The following IMPG2 variants were observed in gnomAD, a reference collection of about 807,000 sequenced individuals.
IMPG2 encodes interphotoreceptor matrix proteoglycan 2.
A neutral mutation model predicts 129.2 loss-of-function variants in IMPG2; 91 were observed. The observed-to-expected ratio is 0.70, with a 90% CI of 0.59 to 0.84. IMPG2 has a LOEUF of 0.84. Among genes scored for constraint, IMPG2 ranks in the 40% least tolerant of loss-of-function variants. The pLI, the probability that IMPG2 is intolerant of heterozygous loss-of-function variation, is 0.00. For missense variants in IMPG2, 1,430 were observed against 1,461.7 expected (o/e 0.98, Z 0.35); for synonymous variants, 510 against 517.7 (o/e 0.99, Z 0.20).
chr3:101,310,991 G>A (rs1284574070), intron 2 of IMPG2, among the ~76,000 whole-genome samples: 3 of 152,082 alleles, frequency 2.0e-5, no homozygotes, highest in Admixed American at 1.3e-4. Context: ...TTTATACCTT[G>A]TAGTCTATTC....
Position 101,244,267 on chromosome 3 carries a change from G to A in IMPG2, c.2064C>T (p.Pro688=), listed in dbSNP as rs1461856077. 6.2e-7 allele frequency: 1 copy of A among 1,614,026 alleles called. No homozygotes were observed. Among genetic ancestry groups the A allele is most frequent in the Non-Finnish European group, 8.5e-7 (1 of 1,179,994 alleles). The change falls in exon 13 of 19, where the codon CCC becomes CCT. Residue 688 remains proline (P), a synonymous_variant. Coordinates refer to ENST00000193391, the MANE Select transcript of IMPG2 (RefSeq NM_016247.4). ...EEEPLSGPAV[P]IFADTAAESA... The stretch of plus-strand genomic sequence containing the variant: ...ATTCAGCTGCAGTATCTGCGAAGAT[G>A]GGCACAGCAGGCCCACTAAGAGGCT...
chr3:101,255,215 G>A (rs532580343), intron 10 of IMPG2, among the ~76,000 whole-genome samples: 19 of 152,182 alleles, frequency 1.2e-4, no homozygotes, highest in Middle Eastern at 3.4e-3. Flanking sequence ...GAAAGCTGCC[G>A]CCATTCAGAA....
intron 11 of IMPG2, among the ~76,000 whole-genome samples, chr3:101,246,428 T>C (rs1371056060): frequency 6.6e-6 from 1 of 152,218 alleles, no homozygotes; most frequent in African/African-American, 2.4e-5. Flanking sequence ...TCTGTGTTTT[T>C]AGCTTAAATG....
intron 8 of IMPG2, among the ~76,000 whole-genome samples, chr3:101,268,860 C>T (rs1442086877): frequency 2.0e-5 from 3 of 152,156 alleles, no homozygotes; most frequent in Non-Finnish European, 2.9e-5. Flanking sequence ...TTTACAAACT[C>T]TTGACTTTGG....
chr3:101,267,602 G>A (rs1282375603), intron 8 of IMPG2, 71 bp from the exon 9 acceptor site: 12 of 1,254,484 alleles, frequency 9.6e-6, no homozygotes, highest in African/African-American at 1.5e-5. Flanking sequence ...TCATCAAAGT[G>A]CAAGTTATTC....
intron 14 of IMPG2, among the ~76,000 whole-genome samples, chr3:101,237,881 T>G (rs1706363943): frequency 6.6e-6 from 1 of 151,932 alleles, no homozygotes; most frequent in African/African-American, 2.4e-5. Flanking sequence ...TTTGATGAAG[T>G]GACAGAAGTA....
chr3:101,291,525 G>A lies in IMPG2; in HGVS notation c.502-15C>T, dbSNP rs1406940239. On this transcript the variant is annotated splice_polypyrimidine_tract_variant and intron_variant, in intron 3 of 18. Transcript: ENST00000193391. ...TAAGTCAGTTTCTAAGGAAAACAAA[G>A]ATATAAAAATGACTGAGTTAACAAC... 1.9e-6 allele frequency: 3 copies of A among 1,606,940 alleles called. No individual in the cohort carries two copies. The highest frequency in any genetic ancestry group is 2.6e-6 in the Non-Finnish European group (3 of 1,173,858).
intron 4 of IMPG2, among the ~76,000 whole-genome samples, chr3:101,282,739 G>A (rs1466739658): frequency 6.6e-6 from 1 of 151,992 alleles, no homozygotes; most frequent in East Asian, 1.9e-4. Flanking sequence ...AATACACCAA[G>A]CACTCTCATG....
At chr3:101,240,033 G>T (rs779186420) in intron 14 of IMPG2, among the ~76,000 whole-genome samples, 2 of 151,746 alleles carry the variant, frequency 1.3e-5, no homozygotes, top group East Asian at 3.8e-4. Context: ...AGATCTGCAC[G>T]TTCTACACAT....
intron 3 of IMPG2, among the ~76,000 whole-genome samples, chr3:101,298,044 T>C (rs1044313831): frequency 3.9e-5 from 6 of 152,264 alleles, no homozygotes; most frequent in African/African-American, 1.4e-4. Context: ...AGTCTCTTTG[T>C]AGGCATCCAA....
rs1706623784 is a variant in IMPG2 at position 101,257,539 on chromosome 3, C to A, written c.1143G>T (p.Gln381His). 1 of 1,613,302 alleles carries A rather than the reference C, an allele frequency of 6.2e-7. No individual in the cohort carries two copies. The highest frequency in any genetic ancestry group is 8.5e-7 in the Non-Finnish European group (1 of 1,179,462). ...SSLNPDPDSL[Q>H]LINVRGVLRH... ...GGATATCAAACTCACCATTGATAAG[C>A]TGCAGGGAATCAGGATCTGGATTCA... The change falls in exon 10 of 19, where the codon CAG (glutamine) becomes CAT (histidine). Residue 381 changes from glutamine (Q) to histidine (H), a missense_variant. Coordinates refer to ENST00000193391, the MANE Select transcript of IMPG2 (RefSeq NM_016247.4).
At chr3:101,304,027 C>T in intron 3 of IMPG2, 119 bp downstream of exon 3, 2 of 1,041,288 alleles carry the variant, frequency 1.9e-6, no homozygotes, top group Non-Finnish European at 3.0e-6. Context: ...ACTCAGATAG[C>T]CCAATTCAAC....
intron 4 of IMPG2, among the ~76,000 whole-genome samples, chr3:101,283,800 C>A (rs1007621952): frequency 1.3e-5 from 2 of 152,090 alleles, no homozygotes; most frequent in Admixed American, 6.5e-5. Flanking sequence ...ATATTTTCTG[C>A]CATTGAGGAC....
intron 3 of IMPG2, among the ~76,000 whole-genome samples, chr3:101,297,500 A>G (rs1425290061): frequency 6.6e-6 from 1 of 152,076 alleles, no homozygotes; most frequent in Non-Finnish European, 1.5e-5. Context: ...TAGCATGTCA[A>G]TTTTAGATCT....
chr3:101,297,437 T>C (rs1707092683), intron 3 of IMPG2, among the ~76,000 whole-genome samples: 1 of 152,224 alleles, frequency 6.6e-6, no homozygotes, highest in African/African-American at 2.4e-5. Context: ...TCTTGTGTTC[T>C]GCTAGCTTTT....
intron 3 of IMPG2, among the ~76,000 whole-genome samples, chr3:101,292,736 C>T (rs1299101091): frequency 6.6e-5 from 10 of 152,132 alleles, no homozygotes; most frequent in East Asian, 5.8e-4. Context: ...ATCTAAAAGT[C>T]CTCTTAAAAT....
chr3:101,275,092 C>T (rs1055021200), intron 6 of IMPG2, among the ~76,000 whole-genome samples: 1 of 151,636 alleles, frequency 6.6e-6, no homozygotes, highest in Admixed American at 6.6e-5. Flanking sequence ...TTTGTGAACC[C>T]CCTAATTTTT....
intron 15 of IMPG2, among the ~76,000 whole-genome samples, chr3:101,231,591 G>C (rs1318575665): frequency 6.6e-6 from 1 of 152,192 alleles, no homozygotes; most frequent in South Asian, 2.1e-4. Context: ...GGAAATCACT[G>C]CTTTTCTAGG....
chr3:101,312,792 A>G (rs373601097), intron 2 of IMPG2, among the ~76,000 whole-genome samples: 33 of 152,178 alleles, frequency 2.2e-4, no homozygotes, highest in African/African-American at 8.0e-4. Flanking sequence ...ACATGGATGA[A>G]CTTTGAAAAT....
Sources: allele counts gnomAD v4.1 joint callset (sites outside exome capture counted in the v4.1 genomes callset), GRCh38; gene constraint gnomAD v4.1.1; transcripts MANE v1.5; gene names NCBI Gene and HGNC (gene_info 2026-07-23, HGNC 2026-07-21).